FHIP1A: variants seen among roughly 807,000 people sequenced by gnomAD.
FHIP1A encodes the protein FHF complex subunit HOOK-interacting protein 1A.
Under a neutral mutation model 88.6 loss-of-function variants are expected in FHIP1A, and 61 were observed. The observed-to-expected ratio is 0.69, with a 90% CI of 0.56 to 0.85. The LOEUF is 0.85. Ranked by LOEUF, FHIP1A falls within the 40% of genes least tolerant of loss-of-function variation. FHIP1A has a pLI of 0.00. For synonymous variants in FHIP1A, 478 were observed against 496.0 expected (o/e 0.96, Z 0.48); for missense variants, 1,154 against 1,273.5 (o/e 0.91, Z 1.43).
intron 2 of FHIP1A, among the ~76,000 whole-genome samples, chr4:151,467,200 T>C (rs1305633057): frequency 1.3e-5 from 2 of 152,194 alleles, no homozygotes; most frequent in African/African-American, 2.4e-5. Flanking sequence ...AAGACATTTA[T>C]GTGGCCGAGA....
At chr4:151,415,975 A>G (rs1175647755) in intron 1 of FHIP1A, among the ~76,000 whole-genome samples, 2 of 151,690 alleles carry the variant, frequency 1.3e-5, no homozygotes, top group African/African-American at 4.8e-5. Flanking sequence ...TCCTAAGAAC[A>G]TTATTTTAGG....
chr4:151,597,049 G>A (rs1390764213), intron 7 of FHIP1A, among the ~76,000 whole-genome samples: 2 of 152,070 alleles, frequency 1.3e-5, no homozygotes, highest in African/African-American at 4.8e-5. Flanking sequence ...CTCATTCTCC[G>A]TCCAGTTTTG....
chr4:151,587,581 T>C (rs974273991), intron 6 of FHIP1A, among the ~76,000 whole-genome samples: 11 of 151,890 alleles, frequency 7.2e-5, no homozygotes, highest in Non-Finnish European at 5.9e-5. Flanking sequence ...GTTTGTTACA[T>C]ATGTATACAT....
intron 1 of FHIP1A, among the ~76,000 whole-genome samples, chr4:151,410,968 G>T (rs2709826): frequency 0.48 from 73,749 of 152,090 alleles, 18,266 homozygotes; most frequent in Non-Finnish European, 0.55. Context: ...CTGGAAAGGG[G>T]CAGAGAAACT....
chr4:151,560,581 G>A (rs1160268690), intron 3 of FHIP1A, among the ~76,000 whole-genome samples: 3 of 152,072 alleles, frequency 2.0e-5, no homozygotes, highest in Non-Finnish European at 4.4e-5. Flanking sequence ...AACTTTTAGG[G>A]TTTTGTGGCA....
At chr4:151,452,133 A>G (rs1043479547) in intron 1 of FHIP1A, among the ~76,000 whole-genome samples, 2 of 152,132 alleles carry the variant, frequency 1.3e-5, no homozygotes, top group African/African-American at 4.8e-5. Flanking sequence ...AATTAGATGT[A>G]TTTTTCAAGT....
At chr4:151,522,265 G>A (rs1025525757) in intron 3 of FHIP1A, among the ~76,000 whole-genome samples, 2 of 152,238 alleles carry the variant, frequency 1.3e-5, no homozygotes, top group Admixed American at 6.5e-5. Flanking sequence ...GTGGATACAG[G>A]GTATGGGGGC....
intron 2 of FHIP1A, among the ~76,000 whole-genome samples, chr4:151,456,946 A>G (rs1728987721): frequency 6.6e-6 from 1 of 152,148 alleles, no homozygotes. Context: ...TTTATTTTAC[A>G]GTATTATTGT....
chr4:151,667,394 C>A lies in FHIP1A; in HGVS notation c.*4640C>A, dbSNP rs1471241157. 1 of 152,178 alleles carries A rather than the reference C, an allele frequency of 6.6e-6. No homozygotes were observed. Among genetic ancestry groups the A allele is most frequent in the Non-Finnish European group, 1.5e-5 (1 of 68,038 alleles). The allele number at this position is 152,178 out of a possible 1,614,324, so 9.4% of individuals were successfully genotyped here. A position where few individuals can be genotyped will look rare whatever the true frequency, so the allele number is the denominator to read the frequency against. On this transcript the variant is annotated 3_prime_UTR_variant, in exon 14 of 14. Coordinates refer to ENST00000435205, the MANE Select transcript of FHIP1A (RefSeq NM_001109977.3). ...AGAGAATGCAGTTGACTCTTTCCCC[C>A]CCTTCTTTTTGAATGAACCTCGTAA...
chr4:151,642,892 C>T (rs1736642914), intron 9 of FHIP1A, among the ~76,000 whole-genome samples: 1 of 149,830 alleles, frequency 6.7e-6, no homozygotes, highest in Non-Finnish European at 1.5e-5. Flanking sequence ...ATATTTTGGA[C>T]AATATGTATA....
intron 3 of FHIP1A, among the ~76,000 whole-genome samples, chr4:151,483,542 G>A (rs1729974604): frequency 6.6e-6 from 1 of 152,072 alleles, no homozygotes; most frequent in Admixed American, 6.6e-5. Context: ...AAAAAATTTA[G>A]TGCAACTTAT....
At chr4:151,499,913 A>AACTAC (rs1313965783) in intron 3 of FHIP1A, among the ~76,000 whole-genome samples, 2 of 152,206 alleles carry the variant, frequency 1.3e-5, no homozygotes, top group African/African-American at 4.8e-5. Flanking sequence ...AGATTATGGG[A>AACTAC]ACTACAATTC....
At chr4:151,436,236 C>CTTAG (rs1728194300) in intron 1 of FHIP1A, among the ~76,000 whole-genome samples, 1 of 152,116 alleles carries the variant, frequency 6.6e-6, no homozygotes, top group Admixed American at 6.6e-5. Context: ...CCCACTCAAC[C>CTTAG]TTAGCACTGT....
At chr4:151,549,653 C>G (rs1340156254) in intron 3 of FHIP1A, among the ~76,000 whole-genome samples, 2 of 152,000 alleles carry the variant, frequency 1.3e-5, no homozygotes, top group Non-Finnish European at 2.9e-5. Context: ...AATCAGCCAC[C>G]CTCAGGGCTG....
At chr4:151,648,565 G>A (rs1008137156) in intron 10 of FHIP1A, among the ~76,000 whole-genome samples, 4 of 152,016 alleles carry the variant, frequency 2.6e-5, no homozygotes, top group African/African-American at 7.2e-5. Context: ...AATGGAGGTT[G>A]GTGTGAAATT....
intron 1 of FHIP1A, among the ~76,000 whole-genome samples, chr4:151,428,992 C>A (rs1189587966): frequency 6.6e-6 from 1 of 152,148 alleles, no homozygotes; most frequent in Non-Finnish European, 1.5e-5. Flanking sequence ...CTTTTTTTCC[C>A]ATTGGACTTA....
chr4:151,638,853 C>T lies in FHIP1A; in HGVS notation c.1226+97C>T, dbSNP rs954935318. 1.9e-5 allele frequency: 11 copies of T among 583,440 alleles called. No homozygotes were observed. The East Asian group carries it at 3.6e-4, about 19-fold the overall frequency. 36.1% of individuals were successfully genotyped at this position (583,440 alleles called of 1,614,324 possible). A position where few individuals can be genotyped will look rare whatever the true frequency, so the allele number is the denominator to read the frequency against. ...TTTGTTATTTATATACTTTATATTA[C>T]TTTGGTTGTATAAGCTAAAAAGGCG... is the stretch of plus-strand genomic sequence containing the variant. On this transcript the variant is annotated intron_variant, in intron 9 of 13. Transcript: ENST00000435205.
At chr4:151,512,673 G>T (rs1403599545) in intron 3 of FHIP1A, among the ~76,000 whole-genome samples, 2 of 152,134 alleles carry the variant, frequency 1.3e-5, no homozygotes, top group African/African-American at 4.8e-5. Flanking sequence ...CTCAGGAGCC[G>T]ATGCGATCAA....
chr4:151,481,007 T>TTA (rs1729876760), intron 2 of FHIP1A, among the ~76,000 whole-genome samples: 1 of 152,076 alleles, frequency 6.6e-6, no homozygotes, highest in African/African-American at 2.4e-5. Flanking sequence ...TGAAAGTGGC[T>TTA]TACCCTTTGA....
Sources: gnomAD v4.1 joint callset for allele counts (sites outside exome capture counted in the v4.1 genomes callset) on GRCh38, gnomAD v4.1.1 for gene constraint, MANE v1.5 for transcripts, NCBI Gene and HGNC (gene_info 2026-07-23, HGNC 2026-07-21) for gene names.